Variants in ERMP1 observed in about 807,000 individuals in gnomAD.
ERMP1 encodes endoplasmic reticulum metallopeptidase 1, also known as Felix-ina.
Under a neutral mutation model 92.0 loss-of-function variants are expected in ERMP1, and 86 were observed. The observed-to-expected ratio is 0.93, with a 90% confidence interval of 0.79 to 1.12. The LOEUF (loss-of-function observed/expected upper bound fraction) is 1.12, where lower values mean the gene tolerates loss of function less well. ERMP1 is among the 50% of genes most tolerant of loss of function. The probability of loss-of-function intolerance (pLI) is 0.00; values close to 1 mark genes in which losing one functional copy is unlikely to be tolerated. For synonymous variants in ERMP1, 530 were observed against 412.8 expected (o/e 1.28, Z -3.44); for missense variants, 1,342 against 1,116.3 (o/e 1.20, Z -2.88).
intron 6 of ERMP1, among the ~76,000 whole-genome samples, chr9:5,849,276 C>G (rs1830277809): frequency 6.6e-6 from 1 of 152,216 alleles, no homozygotes; most frequent in Non-Finnish European, 1.5e-5. Flanking sequence ...CCAACTTGGC[C>G]TCCCAAAATG....
chr9:5,861,619 G>A (rs1048812924), intron 5 of ERMP1, among the ~76,000 whole-genome samples: 6 of 151,752 alleles, frequency 4.0e-5, no homozygotes, highest in Middle Eastern at 3.2e-3. Flanking sequence ...GGCAAGAGAC[G>A]GAGATGGAAA....
chr9:5,797,466 G>C (rs1273257586), intron 13 of ERMP1, among the ~76,000 whole-genome samples: 2 of 151,968 alleles, frequency 1.3e-5, no homozygotes, highest in Non-Finnish European at 2.9e-5. Context: ...TGACCAACAT[G>C]GTGAAACCCT....
chr9:5,814,089 G>C (rs1301969418), intron 4 of ERMP1, among the ~76,000 whole-genome samples: 1 of 152,190 alleles, frequency 6.6e-6, no homozygotes, highest in East Asian at 1.9e-4. Context: ...GGAATGACAT[G>C]ACCCTCAACT....
Position 5,812,903 on chromosome 9 carries a change from A to G in ERMP1, c.1007T>C (p.Phe336Ser), listed in dbSNP as rs1290559975. The change falls in exon 5 of 15, where the codon TTT (phenylalanine) becomes TCT (serine). Residue 336 changes from phenylalanine (F) to serine (S), a missense_variant. Coordinates refer to ENST00000339450, the MANE Select transcript of ERMP1 (RefSeq NM_024896.3). ...SDTDFRIYRD[F>S]GNIPGIDLAF... ...TGACAATATACCTGGAATGTTCCCA[A>G]AATCCCTGTAGATACGAAAGTCAGT... is the stretch of plus-strand genomic sequence containing the variant. 1.5e-5 allele frequency: 25 copies of G among 1,614,034 alleles called. No homozygotes were observed. The highest frequency in any genetic ancestry group is 2.0e-5 in the Non-Finnish European group (24 of 1,179,904).
intron 13 of ERMP1, among the ~76,000 whole-genome samples, chr9:5,790,604 G>T (rs1051724564): frequency 6.6e-6 from 1 of 152,130 alleles, no homozygotes; most frequent in African/African-American, 2.4e-5. Context: ...CAGGCAAGTG[G>T]AAATTGTTTA....
chr9:5,838,692 T>A (rs1020146762), intron 6 of ERMP1, among the ~76,000 whole-genome samples: 1 of 151,880 alleles, frequency 6.6e-6, no homozygotes, highest in Non-Finnish European at 1.5e-5. Context: ...AAGAGTTAAA[T>A]AAATTATAGT....
At chr9:5,799,148 G>C in intron 11 of ERMP1, 140 bp from the exon 12 acceptor site, 1 of 607,160 alleles carries the variant, frequency 1.6e-6, no homozygotes, top group Non-Finnish European at 2.9e-6. Flanking sequence ...GAGTTTCTAA[G>C]GTACTGCTAG....
rs780019177 is a variant in ERMP1, at chr9:5,797,919, G to T, written c.2284C>A (p.Leu762Ile). Residue 762 changes from leucine to isoleucine, a missense_variant, in exon 13 of 15, where the codon CTT (leucine) becomes ATT (isoleucine). Physicochemically the swap from Leu to Ile is conservative, Grantham distance 5 (BLOSUM62 2). Coordinates refer to ENST00000339450, the MANE Select transcript of ERMP1 (RefSeq NM_024896.3). ...VHFLIRKNWY[L>I]PAPEVSPRNP... The stretch of plus-strand genomic sequence containing the variant: ...CTTGGAGAAACTTCTGGGGCAGGAA[G>T]ATACCAGTTTTTCCTATTTAGAAAG... The T allele has an allele frequency of 6.2e-7, 1 of 1,609,804 alleles. No homozygotes were observed. The highest frequency in any genetic ancestry group is 8.5e-7 in the Non-Finnish European group (1 of 1,176,778).
intron 6 of ERMP1, among the ~76,000 whole-genome samples, chr9:5,840,488 G>T (rs1211469964): frequency 6.6e-6 from 1 of 152,172 alleles, no homozygotes; most frequent in Non-Finnish European, 1.5e-5. Context: ...TGTCAGGTCT[G>T]CACTGCCATC....
At chr9:5,790,196 CT>C (rs1828125253) in intron 13 of ERMP1, among the ~76,000 whole-genome samples, 4 of 140,106 alleles carry the variant, frequency 2.9e-5, no homozygotes, top group Admixed American at 1.5e-4. Context: ...TTTTTTTCCC[CT>C]GAGACGGAGT....
At chr9:5,804,857 A>G (rs949426420) in intron 10 of ERMP1, among the ~76,000 whole-genome samples, 170 bp downstream of exon 10, 6 of 151,588 alleles carry the variant, frequency 4.0e-5, no homozygotes, top group Non-Finnish European at 8.8e-5. Context: ...TCTATACTAC[A>G]GTTTCTTACG....
chr9:5,851,006 A>C (rs1196649043), intron 6 of ERMP1, among the ~76,000 whole-genome samples: 2 of 152,190 alleles, frequency 1.3e-5, no homozygotes, highest in Non-Finnish European at 2.9e-5. Flanking sequence ...CCATGCCCTG[A>C]CATCCTCCCT....
rs1830011383 is a variant in ERMP1 at position 5,832,836 on chromosome 9, C to T, written c.192G>A (p.Ala64=). The T allele has an allele frequency of 1.3e-6, 2 of 1,502,294 alleles. No homozygotes were observed. Among genetic ancestry groups the T allele is most frequent in the South Asian group, 2.5e-5 (2 of 80,232 alleles). 93.1% of individuals were successfully genotyped at this position (1,502,294 alleles called of 1,614,324 possible). The part of the protein sequence containing the change: ...PGGSGGASRG[A]GTGLSEVRAA... ...CGCGCACCTCAGACAGCCCGGTCCC[C>T]GCGCCCCTGCTCGCGCCGCCGCTAC... The change falls in exon 1 of 15, where the codon GCG becomes GCA. Residue 64 remains alanine, a synonymous_variant. Transcript: ENST00000339450.
intron 5 of ERMP1, among the ~76,000 whole-genome samples, chr9:5,865,786 C>G (rs528713256): frequency 6.9e-6 from 1 of 144,084 alleles, no homozygotes. Context: ...TGCAGTGAGC[C>G]AAGATCGTGC....
At position 5,789,847 on chromosome 9, in the gene ERMP1, C is replaced by CTTTT. The variant is rs35893609; in HGVS notation, c.2387-2258_2387-2255dup. On this transcript the variant is annotated intron_variant, in intron 13 of 14. Coordinates refer to ENST00000339450, the MANE Select transcript of ERMP1 (RefSeq NM_024896.3). Reference sequence around the variant, plus strand: ...TACAGATGCATGCTACAAACCTGGCCTTTTTTTTTTTTTTTTGGTAGAGAT... The same window carrying CTTTT: ...TACAGATGCATGCTACAAACCTGGCCTTTTTTTTTTTTTTTTTTTTGGTAGAGAT... Among the ~76,000 whole-genome samples, 1,154 of 136,604 alleles carry CTTTT rather than the reference C, an allele frequency of 8.4e-3. 32 individuals are homozygous for CTTTT. The highest frequency in any genetic ancestry group is 0.058 in the East Asian group (260 of 4,510). The allele number at this position is 136,604 out of a possible 152,430, so 89.6% of individuals were successfully genotyped here. A position where few individuals can be genotyped will look rare whatever the true frequency, so the allele number is the denominator to read the frequency against.
chr9:5,861,636 A>G (rs1830497262), intron 5 of ERMP1, among the ~76,000 whole-genome samples: 1 of 150,194 alleles, frequency 6.7e-6, no homozygotes, highest in South Asian at 2.1e-4. Flanking sequence ...GAAAGTACTA[A>G]GCCAGTAAGG....
intron 6 of ERMP1, among the ~76,000 whole-genome samples, chr9:5,843,088 T>C (rs953640365): frequency 6.6e-6 from 1 of 152,212 alleles, no homozygotes; most frequent in African/African-American, 2.4e-5. Flanking sequence ...TTGGGACTTA[T>C]TTAGGGAACA....
At chr9:5,824,984 C>G in intron 3 of ERMP1, 108 bp downstream of exon 3, 2 of 1,070,566 alleles carry the variant, frequency 1.9e-6, no homozygotes, top group South Asian at 1.4e-5. Flanking sequence ...TTTTATACTA[C>G]CCACAGGAGT....
At chr9:5,823,671 A>C (rs1462215879) in intron 4 of ERMP1, among the ~76,000 whole-genome samples, 4 of 151,886 alleles carry the variant, frequency 2.6e-5, no homozygotes, top group Non-Finnish European at 5.9e-5. Flanking sequence ...ATATATATGA[A>C]ATGGTTTGAA....
Sources: allele counts gnomAD v4.1 joint callset (sites outside exome capture counted in the v4.1 genomes callset), GRCh38; gene constraint gnomAD v4.1.1; transcripts MANE v1.5; gene names NCBI Gene and HGNC (gene_info 2026-07-23, HGNC 2026-07-21).